Variants in WDR27 observed in about 807,000 individuals in gnomAD.
WDR27 encodes WD repeat domain 27, also known as WD repeat-containing protein 27.
Under a neutral mutation model 114.4 loss-of-function variants are expected in WDR27, and 100 were observed. That is an observed-to-expected ratio of 0.87 (90% CI 0.74 to 1.03). The LOEUF is 1.03. Among genes scored for constraint, WDR27 ranks in the 50% least tolerant of loss-of-function variants. The pLI, the probability that WDR27 is intolerant of heterozygous loss-of-function variation, is 0.00. For missense variants in WDR27, 1,129 were observed against 1,092.9 expected (o/e 1.03, Z -0.47); for synonymous variants, 449 against 423.1 (o/e 1.06, Z -0.75).
chr6:169,466,678 C>T (rs753032564), intron 25 of WDR27, among the ~76,000 whole-genome samples: 2 of 152,170 alleles, frequency 1.3e-5, no homozygotes, highest in Non-Finnish European at 2.9e-5. Flanking sequence ...AATCACCTCC[C>T]ACCAGGTCTC....
chr6:169,474,018 A>C (rs529045003), intron 25 of WDR27, among the ~76,000 whole-genome samples: 1 of 152,360 alleles, frequency 6.6e-6, no homozygotes, highest in Non-Finnish European at 1.5e-5. Flanking sequence ...TTCCCAGAAA[A>C]GCAGTAGGCT....
chr6:169,595,121 G>A (rs909066704), intron 23 of WDR27, among the ~76,000 whole-genome samples: 6 of 152,224 alleles, frequency 3.9e-5, no homozygotes, highest in African/African-American at 7.2e-5. Flanking sequence ...AGCCATGATC[G>A]TGCCACTGCA....
chr6:169,658,140 A>C, intron 13 of WDR27, 136 bp downstream of exon 13: 1 of 717,012 alleles, frequency 1.4e-6, no homozygotes, highest in Admixed American at 2.1e-5. Context: ...AGGCAGAGAC[A>C]TGAAGGACAG....
intron 25 of WDR27, among the ~76,000 whole-genome samples, chr6:169,570,999 C>G (rs751575026): frequency 1.3e-5 from 2 of 152,152 alleles, no homozygotes; most frequent in East Asian, 1.9e-4. Context: ...ACAAGCATCA[C>G]CACAGAGCAG....
the WDR27 span, among the ~76,000 whole-genome samples, chr6:169,433,164 T>C: frequency 6.6e-6 from 1 of 152,166 alleles, no homozygotes; most frequent in Non-Finnish European, 1.5e-5. Flanking sequence ...ACATGTGCCA[T>C]GGTGGTTTGC....
At chr6:169,476,394 C>T (rs937658857) in intron 25 of WDR27, among the ~76,000 whole-genome samples, 1 of 152,180 alleles carries the variant, frequency 6.6e-6, no homozygotes, top group Non-Finnish European at 1.5e-5. Context: ...GCTAAACCAT[C>T]ACAGCTGTAA....
intron 25 of WDR27, among the ~76,000 whole-genome samples, chr6:169,479,325 AACTAC>A (rs1226158897): frequency 3.3e-5 from 5 of 152,220 alleles, no homozygotes; most frequent in African/African-American, 1.2e-4. Context: ...TGTAAATCAA[AACTAC>A]AATGAGATAC....
At chr6:169,541,595 C>T (rs1307183689) in intron 25 of WDR27, among the ~76,000 whole-genome samples, 2 of 152,176 alleles carry the variant, frequency 1.3e-5, no homozygotes, top group Non-Finnish European at 2.9e-5. Flanking sequence ...TCTCTAACCA[C>T]GAACTCTTTT....
At chr6:169,451,078 G>T in the WDR27 span, among the ~76,000 whole-genome samples, 3 of 152,112 alleles carry the variant, frequency 2.0e-5, no homozygotes, top group Non-Finnish European at 2.9e-5. Flanking sequence ...CTTCCTTGTG[G>T]AACAAGGACA....
intron 25 of WDR27, among the ~76,000 whole-genome samples, chr6:169,513,376 G>A (rs1183152339): frequency 3.3e-5 from 5 of 152,102 alleles, no homozygotes; most frequent in African/African-American, 1.2e-4. Context: ...GTCCCGGGAC[G>A]CCCAGGCTTA....
At chr6:169,681,839 C>A (rs1377216726) in intron 2 of WDR27, among the ~76,000 whole-genome samples, 1 of 152,166 alleles carries the variant, frequency 6.6e-6, no homozygotes, top group African/African-American at 2.4e-5. Flanking sequence ...CCAATCTCAG[C>A]TCTGGGCTCT....
intron 25 of WDR27, among the ~76,000 whole-genome samples, chr6:169,569,147 C>T (rs1337871858): frequency 3.3e-5 from 5 of 152,196 alleles, no homozygotes; most frequent in Non-Finnish European, 5.9e-5. Flanking sequence ...CGTGATGCTA[C>T]TGCAGCATGA....
chr6:169,447,885 C>T, the WDR27 span, among the ~76,000 whole-genome samples: 1 of 152,128 alleles, frequency 6.6e-6, no homozygotes, highest in African/African-American at 2.4e-5. Flanking sequence ...ATTTCTGGGT[C>T]AGAGTTGGGA....
intron 23 of WDR27, among the ~76,000 whole-genome samples, chr6:169,598,493 G>T (rs766907135): frequency 6.6e-6 from 1 of 152,208 alleles, no homozygotes. Flanking sequence ...AGGAGGGCCA[G>T]CTCTCATGGC....
rs3029697 is a variant in WDR27, at chr6:169,586,847, CAAAA to C, written c.2425-3917_2425-3914del. ...CTGGCGACACAGCTAGACTCTGTCTCAAAAAAAAAAAAAAAAAAAAAAAAAAAGG... is the reference window on the plus strand; with the variant it reads ...CTGGCGACACAGCTAGACTCTGTCTCAAAAAAAAAAAAAAAAAAAAAAAGG... On this transcript the variant is annotated intron_variant, in intron 23 of 25. Transcript: ENST00000448612. Among the ~76,000 whole-genome samples, 29 of 32,052 alleles carry C rather than the reference CAAAA, an allele frequency of 9.0e-4. 1 individual carries two copies. The highest frequency in any genetic ancestry group is 2.1e-3 in the South Asian group (1 of 466). 21.0% of individuals were successfully genotyped at this position (32,052 alleles called of 152,430 possible). A position where few individuals can be genotyped will look rare whatever the true frequency, so the allele number is the denominator to read the frequency against.
intron 15 of WDR27, among the ~76,000 whole-genome samples, chr6:169,648,837 G>A (rs796931374): frequency 2.8e-4 from 42 of 152,346 alleles, no homozygotes; most frequent in African/African-American, 9.6e-4. Flanking sequence ...CCCCAATGGC[G>A]TGGGCCACGC....
chr6:169,685,297 C>G (rs1483364416), intron 2 of WDR27, among the ~76,000 whole-genome samples: 1 of 149,132 alleles, frequency 6.7e-6, no homozygotes, highest in Non-Finnish European at 1.5e-5. Context: ...CAAACAACAA[C>G]AACAAAAAGT....
At chr6:169,550,374 T>C (rs1450723367) in intron 25 of WDR27, among the ~76,000 whole-genome samples, 6 of 152,162 alleles carry the variant, frequency 3.9e-5, no homozygotes, top group African/African-American at 1.4e-4. Flanking sequence ...TTAATGCTTG[T>C]GTGTCATTCT....
At chr6:169,592,400 T>A (rs1279317764) in intron 23 of WDR27, among the ~76,000 whole-genome samples, 1 of 152,148 alleles carries the variant, frequency 6.6e-6, no homozygotes, top group East Asian at 1.9e-4. Flanking sequence ...TTAATGCAGG[T>A]TTTGCAGAAA....
Sources: gnomAD v4.1 joint callset for allele counts (sites outside exome capture counted in the v4.1 genomes callset) on GRCh38, gnomAD v4.1.1 for gene constraint, MANE v1.5 for transcripts, NCBI Gene and HGNC (gene_info 2026-07-23, HGNC 2026-07-21) for gene names.